The following MDGA2 variants were observed in gnomAD, a reference collection of about 807,000 sequenced individuals.
The protein encoded by MDGA2 is MAM domain-containing glycosylphosphatidylinositol anchor protein 2.
In MDGA2, 40 loss-of-function variants were observed where a neutral mutation model predicts 117.8. The observed-to-expected ratio is 0.34, with a 90% CI of 0.26 to 0.44. The LOEUF (loss-of-function observed/expected upper bound fraction) is 0.44. MDGA2 is among the 20% of genes least tolerant of loss of function. MDGA2 has a pLI of 1.00. For missense variants in MDGA2, 1,123 were observed against 1,250.6 expected (o/e 0.90, Z 1.54); for synonymous variants, 452 against 439.0 (o/e 1.03, Z -0.37).
intron 8 of MDGA2, among the ~76,000 whole-genome samples, chr14:46,963,631 C>T (rs1185144848): frequency 1.3e-5 from 2 of 152,202 alleles, no homozygotes; most frequent in Admixed American, 6.5e-5. Context: ...GGCTCATTCT[C>T]ATCATTCAGA....
At chr14:47,289,853 A>C (rs961467905) in intron 2 of MDGA2, among the ~76,000 whole-genome samples, 4 of 152,084 alleles carry the variant, frequency 2.6e-5, no homozygotes, top group Non-Finnish European at 5.9e-5. Flanking sequence ...TCTAATTTCA[A>C]ATTTTCAACT....
At chr14:47,155,708 G>T (rs1363991893) in intron 3 of MDGA2, among the ~76,000 whole-genome samples, 1 of 151,914 alleles carries the variant, frequency 6.6e-6, no homozygotes, top group Non-Finnish European at 1.5e-5. Flanking sequence ...GGCCAGTAGC[G>T]CAAGCTGAGC....
intron 1 of MDGA2, among the ~76,000 whole-genome samples, chr14:47,397,034 A>G (rs1892026690): frequency 6.6e-6 from 1 of 152,218 alleles, no homozygotes; most frequent in Non-Finnish European, 1.5e-5. Flanking sequence ...ATGCACACGT[A>G]TGTTTATTGC....
At chr14:46,977,465 T>A (rs1886508618) in intron 8 of MDGA2, among the ~76,000 whole-genome samples, 1 of 151,938 alleles carries the variant, frequency 6.6e-6, no homozygotes, top group African/African-American at 2.4e-5. Context: ...GTAATCACAA[T>A]TAGACAATCT....
intron 5 of MDGA2, among the ~76,000 whole-genome samples, chr14:47,100,442 T>C (rs569745148): frequency 6.6e-6 from 1 of 152,258 alleles, no homozygotes; most frequent in African/African-American, 2.4e-5. Context: ...TTAATTGAAT[T>C]ATCTCATTAC....
At chr14:47,509,097 A>T (rs1477919971) in intron 1 of MDGA2, among the ~76,000 whole-genome samples, 1 of 152,194 alleles carries the variant, frequency 6.6e-6, no homozygotes, top group Non-Finnish European at 1.5e-5. Flanking sequence ...CACACTTCAC[A>T]CACACAAGAG....
At chr14:47,294,792 G>A (rs552866480) in intron 2 of MDGA2, among the ~76,000 whole-genome samples, 3 of 152,196 alleles carry the variant, frequency 2.0e-5, no homozygotes, top group Non-Finnish European at 2.9e-5. Flanking sequence ...AATACATGTA[G>A]CACTAATGGT....
At chr14:47,387,870 G>A (rs1192160412) in intron 1 of MDGA2, among the ~76,000 whole-genome samples, 1 of 152,074 alleles carries the variant, frequency 6.6e-6, no homozygotes, top group Non-Finnish European at 1.5e-5. Context: ...AAACCTATCC[G>A]TATTTAAGGG....
intron 3 of MDGA2, among the ~76,000 whole-genome samples, chr14:47,212,241 T>G (rs1885911466): frequency 6.6e-6 from 1 of 152,142 alleles, no homozygotes; most frequent in African/African-American, 2.4e-5. Context: ...TCAACTTTAT[T>G]TGGTGTCGAA....
intron 6 of MDGA2, among the ~76,000 whole-genome samples, chr14:47,069,529 C>T (rs189576928): frequency 6.6e-6 from 1 of 152,306 alleles, no homozygotes; most frequent in Admixed American, 6.5e-5. Context: ...GGACTGTTCT[C>T]ATTCACATCA....
intron 9 of MDGA2, 50 bp from the exon 10 acceptor site, chr14:46,920,210 A>G: frequency 6.5e-7 from 1 of 1,541,034 alleles, no homozygotes; most frequent in Non-Finnish European, 8.8e-7. Flanking sequence ...ATTGTAGTGT[A>G]AGCATACTTA....
At chr14:47,253,049 A>G (rs911365468) in intron 2 of MDGA2, among the ~76,000 whole-genome samples, 1 of 152,204 alleles carries the variant, frequency 6.6e-6, no homozygotes, top group African/African-American at 2.4e-5. Flanking sequence ...TCATGAGAAC[A>G]GCATGTAGGA....
intron 14 of MDGA2, among the ~76,000 whole-genome samples, chr14:46,869,972 G>C (rs894781579): frequency 6.6e-6 from 1 of 151,868 alleles, no homozygotes; most frequent in Non-Finnish European, 1.5e-5. Flanking sequence ...TCCCCAAACT[G>C]AGTCTTCAAA....
chr14:47,130,044 C>T (rs1185537900), intron 5 of MDGA2, among the ~76,000 whole-genome samples: 11 of 146,026 alleles, frequency 7.5e-5, no homozygotes, highest in African/African-American at 2.3e-4. Context: ...TTGTAGGTTG[C>T]CTGTTCACTC....
intron 9 of MDGA2, among the ~76,000 whole-genome samples, chr14:46,927,047 T>C (rs746706762): frequency 6.6e-6 from 1 of 152,128 alleles, no homozygotes; most frequent in Non-Finnish European, 1.5e-5. Context: ...ACTGTGAGTA[T>C]CTCATCCTGG....
At chr14:47,057,748 T>C (rs558681776) in intron 7 of MDGA2, among the ~76,000 whole-genome samples, 3 of 150,638 alleles carry the variant, frequency 2.0e-5, no homozygotes, top group Admixed American at 6.6e-5. Context: ...CTGCCCTGCC[T>C]TGCCTTGCCT....
chr14:47,373,790 T>C (rs1453105548), intron 1 of MDGA2, among the ~76,000 whole-genome samples: 3 of 152,124 alleles, frequency 2.0e-5, no homozygotes, highest in East Asian at 1.9e-4. Flanking sequence ...TAACATTCAA[T>C]GTTGGCCTGA....
chr14:47,576,371 C>T (rs1896115616), intron 1 of MDGA2, among the ~76,000 whole-genome samples: 1 of 152,110 alleles, frequency 6.6e-6, no homozygotes, highest in Non-Finnish European at 1.5e-5. Context: ...TTAAAAACAA[C>T]TAAAAATAGA....
intron 1 of MDGA2, chr14:47,306,131 C>T (rs971563387): frequency 3.9e-5 from 6 of 152,152 alleles, no homozygotes; most frequent in African/African-American, 1.4e-4. Flanking sequence ...ATAGGAGAGA[C>T]ACTGGAGAGG....
Sources: allele counts gnomAD v4.1 joint callset (sites outside exome capture counted in the v4.1 genomes callset), GRCh38; gene constraint gnomAD v4.1.1; transcripts MANE v1.5; gene names NCBI Gene and HGNC (gene_info 2026-07-23, HGNC 2026-07-21).